The following ROBO2 variants were observed in gnomAD, a reference collection of about 807,000 sequenced individuals.
ROBO2 encodes roundabout guidance receptor 2.
A neutral mutation model predicts 160.8 loss-of-function variants in ROBO2; 53 were observed. That is an observed-to-expected ratio of 0.33 (90% CI 0.26 to 0.41). The LOEUF is 0.41. ROBO2 is among the 10% of genes least tolerant of loss of function. ROBO2 has a pLI of 1.00. For synonymous variants in ROBO2, 664 were observed against 611.7 expected, an observed-to-expected ratio of 1.09 and a Z score of -1.26; for missense variants, 1,577 against 1,722.4, an observed-to-expected ratio of 0.92 and a Z score of 1.49.
intron 2 of ROBO2, among the ~76,000 whole-genome samples, chr3:77,363,818 T>C (rs1046666507): frequency 5.3e-5 from 8 of 152,162 alleles, no homozygotes; most frequent in Admixed American, 5.2e-4. Flanking sequence ...AAGAGAGGGA[T>C]TCAAGTGTCT....
intron 2 of ROBO2, among the ~76,000 whole-genome samples, chr3:77,021,958 A>C (rs954348111): frequency 1.3e-5 from 2 of 152,258 alleles, no homozygotes; most frequent in Non-Finnish European, 2.9e-5. Flanking sequence ...AACTACCCAG[A>C]GGCCGGGTGT....
At chr3:76,640,590 C>CGT (rs1560287561) in intron 2 of ROBO2, among the ~76,000 whole-genome samples, 1 of 38,476 alleles carries the variant, frequency 2.6e-5, no homozygotes, top group Non-Finnish European at 6.9e-5. Context: ...TGCGTGTTTG[C>CGT]GTGTGAGTGT....
chr3:77,576,568 A>G (rs2153672198), intron 14 of ROBO2, among the ~76,000 whole-genome samples: 1 of 152,202 alleles, frequency 6.6e-6, no homozygotes, highest in East Asian at 1.9e-4. Flanking sequence ...CAAAGTTATT[A>G]TTTCTTAGTT....
chr3:77,193,462 TA>T (rs1204672718), intron 2 of ROBO2, among the ~76,000 whole-genome samples: 1 of 101,778 alleles, frequency 9.8e-6, no homozygotes, highest in Non-Finnish European at 2.5e-5. Flanking sequence ...TTTTTTTTTT[TA>T]AAGACAGGGT....
chr3:77,066,806 G>A (rs868278713), intron 1 of ROBO2, among the ~76,000 whole-genome samples: 1 of 152,020 alleles, frequency 6.6e-6, no homozygotes, highest in Non-Finnish European at 1.5e-5. Context: ...TTAAGACATA[G>A]TACAGTTACT....
chr3:76,319,251 T>A (rs1004068416), intron 2 of ROBO2, among the ~76,000 whole-genome samples: 1 of 152,022 alleles, frequency 6.6e-6, no homozygotes, highest in Non-Finnish European at 1.5e-5. Flanking sequence ...TCCAAAGTCT[T>A]TTATTGATGT....
intron 2 of ROBO2, among the ~76,000 whole-genome samples, chr3:76,579,317 A>G (rs941647882): frequency 1.3e-5 from 2 of 152,106 alleles, no homozygotes; most frequent in African/African-American, 4.8e-5. Context: ...TTTTTAATTC[A>G]TTCTATTTTT....
At chr3:77,133,357 A>G (rs995134531) in intron 2 of ROBO2, among the ~76,000 whole-genome samples, 11 of 152,334 alleles carry the variant, frequency 7.2e-5, no homozygotes, top group Middle Eastern at 3.4e-3. Flanking sequence ...ACATTGTCCC[A>G]TTTCTATGAA....
intron 2 of ROBO2, among the ~76,000 whole-genome samples, chr3:76,344,680 TTAATC>T (rs1024903254): frequency 5.9e-5 from 9 of 152,162 alleles, no homozygotes; most frequent in Admixed American, 1.3e-4. Flanking sequence ...AAGACAGAAA[TTAATC>T]TAGTGGATTT....
At chr3:76,389,202 TA>T (rs1485567230) in intron 2 of ROBO2, among the ~76,000 whole-genome samples, 2 of 152,210 alleles carry the variant, frequency 1.3e-5, no homozygotes, top group Non-Finnish European at 2.9e-5. Context: ...ATATAAGCAG[TA>T]AAAACTTATT....
chr3:77,090,185 G>A (rs919114947), intron 1 of ROBO2, among the ~76,000 whole-genome samples: 2 of 151,758 alleles, frequency 1.3e-5, no homozygotes, highest in African/African-American at 4.8e-5. Context: ...AGAGTTTTAT[G>A]GGCTAAATTT....
At chr3:76,204,546 T>C (rs1166842928) in intron 2 of ROBO2, among the ~76,000 whole-genome samples, 2 of 152,316 alleles carry the variant, frequency 1.3e-5, no homozygotes, top group Non-Finnish European at 2.9e-5. Flanking sequence ...CAACTATTAA[T>C]AGCTAATTCA....
At chr3:76,736,326 C>G (rs2093713645) in intron 2 of ROBO2, among the ~76,000 whole-genome samples, 1 of 23,664 alleles carries the variant, frequency 4.2e-5, no homozygotes, top group African/African-American at 1.6e-4. Context: ...AATAATAAAG[C>G]CTACAAACGT....
intron 2 of ROBO2, among the ~76,000 whole-genome samples, chr3:77,125,342 C>T (rs1386232033): frequency 6.6e-6 from 1 of 152,092 alleles, no homozygotes; most frequent in Non-Finnish European, 1.5e-5. Flanking sequence ...GCTTTTGAAG[C>T]ATAAATCACT....
chr3:76,560,907 A>T (rs2084135580), intron 2 of ROBO2, among the ~76,000 whole-genome samples: 1 of 145,310 alleles, frequency 6.9e-6, no homozygotes, highest in Non-Finnish European at 1.5e-5. Context: ...ATCTCATTTT[A>T]TCCCTCCTTT....
At chr3:76,000,583 G>C (rs2065857147) in intron 2 of ROBO2, among the ~76,000 whole-genome samples, 1 of 150,814 alleles carries the variant, frequency 6.6e-6, no homozygotes, top group African/African-American at 2.4e-5. Context: ...CCGCCTCCCG[G>C]GTTCATGCCA....
At chr3:77,325,059 A>G (rs2065240562) in intron 2 of ROBO2, among the ~76,000 whole-genome samples, 2 of 152,194 alleles carry the variant, frequency 1.3e-5, no homozygotes, top group Admixed American at 1.3e-4. Flanking sequence ...GACATAGGTA[A>G]TTTTAAAAAC....
chr3:77,564,694 G>A (rs967164573), intron 11 of ROBO2: 2 of 553,852 alleles, frequency 3.6e-6, no homozygotes, highest in African/African-American at 3.8e-5. Flanking sequence ...GGGCTGCTGT[G>A]CATTAGCAAA....
intron 2 of ROBO2, among the ~76,000 whole-genome samples, chr3:76,746,389 G>C (rs1351772531): frequency 6.6e-6 from 1 of 151,988 alleles, no homozygotes; most frequent in Non-Finnish European, 1.5e-5. Context: ...TCTAGTTCTA[G>C]GTCCCTGAGG....
Sources: gnomAD v4.1 joint callset for allele counts (sites outside exome capture counted in the v4.1 genomes callset) on GRCh38, gnomAD v4.1.1 for gene constraint, MANE v1.5 for transcripts, NCBI Gene and HGNC (gene_info 2026-07-23, HGNC 2026-07-21) for gene names.